GBE1: variants seen among roughly 807,000 people sequenced by gnomAD.
GBE1 encodes 1,4-alpha-glucan-branching enzyme.
GBE1 carries 70 observed loss-of-function variants against 88.8 expected under a neutral mutation model. The observed-to-expected ratio is 0.79, with a 90% CI of 0.65 to 0.96. The LOEUF is 0.96. GBE1 is among the 40% of genes least tolerant of loss of function. GBE1 has a pLI of 0.00. For synonymous variants in GBE1, 284 were observed against 300.1 expected, an observed-to-expected ratio of 0.95 and a Z score of 0.56; for missense variants, 872 against 871.0, an observed-to-expected ratio of 1.00 and a Z score of -0.01.
At chr3:81,594,871 A>G (rs1371697036) in intron 7 of GBE1, among the ~76,000 whole-genome samples, 1 of 151,962 alleles carries the variant, frequency 6.6e-6, no homozygotes, top group Non-Finnish European at 1.5e-5. Flanking sequence ...TCTTATTATA[A>G]CTGTGGTTTT....
At chr3:81,759,199 C>T (rs1263555955) in intron 1 of GBE1, among the ~76,000 whole-genome samples, 2 of 152,094 alleles carry the variant, frequency 1.3e-5, no homozygotes, top group Non-Finnish European at 2.9e-5. Context: ...GGGGAAAAGG[C>T]CAAGGTAAAG....
chr3:81,673,534 T>C (rs1705217438), intron 2 of GBE1, among the ~76,000 whole-genome samples: 1 of 152,004 alleles, frequency 6.6e-6, no homozygotes, highest in African/African-American at 2.4e-5. Context: ...AATTTAGATA[T>C]GCAGATTTAT....
chr3:81,495,003 T>A (rs1264750317), intron 15 of GBE1, among the ~76,000 whole-genome samples: 1 of 152,186 alleles, frequency 6.6e-6, no homozygotes, highest in Non-Finnish European at 1.5e-5. Flanking sequence ...TGAAAAAATA[T>A]TTAATACTTT....
intron 12 of GBE1, among the ~76,000 whole-genome samples, chr3:81,556,475 A>C (rs1703350300): frequency 6.6e-6 from 1 of 152,102 alleles, no homozygotes; most frequent in Admixed American, 6.6e-5. Context: ...AGAATCATTA[A>C]ATGTGTCAGG....
intron 2 of GBE1, among the ~76,000 whole-genome samples, chr3:81,703,579 G>C (rs1705731359): frequency 6.6e-6 from 1 of 151,836 alleles, no homozygotes; most frequent in Non-Finnish European, 1.5e-5. Context: ...TGTTATTCAA[G>C]TCAGTTACTG....
chr3:81,549,690 A>G (rs1425635733), intron 12 of GBE1, among the ~76,000 whole-genome samples: 1 of 151,594 alleles, frequency 6.6e-6, no homozygotes, highest in Admixed American at 6.6e-5. Context: ...TTAAAAAATA[A>G]AAGTCTTATC....
chr3:81,700,920 C>A (rs1204222059), intron 2 of GBE1, among the ~76,000 whole-genome samples: 1 of 152,102 alleles, frequency 6.6e-6, no homozygotes, highest in Non-Finnish European at 1.5e-5. Context: ...TCCGTTATAG[C>A]AAATAAGAAC....
chr3:81,710,381 C>T (rs1321564139), intron 1 of GBE1, among the ~76,000 whole-genome samples: 3 of 150,724 alleles, frequency 2.0e-5, no homozygotes, highest in Admixed American at 2.0e-4. Context: ...ACTACAGGCA[C>T]CCACCACCAC....
At chr3:81,522,347 C>T (rs946493593) in intron 14 of GBE1, among the ~76,000 whole-genome samples, 10 of 151,378 alleles carry the variant, frequency 6.6e-5, no homozygotes, top group Non-Finnish European at 1.5e-4. Flanking sequence ...GCAAAGTATT[C>T]GAATAACAGG....
At chr3:81,574,750 T>A (rs1404432590) in intron 12 of GBE1, among the ~76,000 whole-genome samples, 1 of 152,242 alleles carries the variant, frequency 6.6e-6, no homozygotes, top group South Asian at 2.1e-4. Flanking sequence ...AATGTCTACG[T>A]AGCATGCCTT....
At chr3:81,495,081 T>C (rs966964580) in intron 15 of GBE1, among the ~76,000 whole-genome samples, 2 of 152,196 alleles carry the variant, frequency 1.3e-5, no homozygotes, top group Non-Finnish European at 2.9e-5. Flanking sequence ...CATATAATTC[T>C]GGTAGAATGA....
intron 9 of GBE1, among the ~76,000 whole-genome samples, chr3:81,589,760 T>G (rs1703852286): frequency 1.3e-5 from 2 of 152,096 alleles, no homozygotes; most frequent in Non-Finnish European, 2.9e-5. Context: ...TTGTAATATC[T>G]CTGCTTTGGA....
At chr3:81,496,097 T>G (rs1337565662) in intron 15 of GBE1, among the ~76,000 whole-genome samples, 1 of 152,140 alleles carries the variant, frequency 6.6e-6, no homozygotes, top group Non-Finnish European at 1.5e-5. Flanking sequence ...GATTAACATA[T>G]AGGTTAACAT....
chr3:81,701,751 A>T (rs1705690802), intron 2 of GBE1, among the ~76,000 whole-genome samples: 2 of 151,832 alleles, frequency 1.3e-5, no homozygotes, highest in South Asian at 4.1e-4. Flanking sequence ...TGATTTATTT[A>T]TTTTTTATTT....
chr3:81,554,424 C>T lies in GBE1; in HGVS notation c.1619-17329G>A, dbSNP rs186730513. On this transcript the variant is annotated intron_variant, in intron 12 of 15. Transcript: ENST00000429644. ...AGCCAACTATGAAATTGATTCTACA[C>T]ATGTGGCTTTGTGGCTATTGCAACT... is the stretch of plus-strand genomic sequence containing the variant. Among the ~76,000 whole-genome samples the T allele has an allele frequency of 7.2e-5, 11 of 152,280 alleles. No homozygotes were observed. The East Asian group carries it at 2.1e-3, about 29-fold the overall frequency.
At chr3:81,493,071 C>G (rs1021362688) in intron 15 of GBE1, among the ~76,000 whole-genome samples, 1 of 152,120 alleles carries the variant, frequency 6.6e-6, no homozygotes, top group African/African-American at 2.4e-5. Flanking sequence ...ATCACAGTAA[C>G]TGGATTTAAC....
At chr3:81,575,224 T>G (rs1703630686) in intron 12 of GBE1, among the ~76,000 whole-genome samples, 2 of 150,398 alleles carry the variant, frequency 1.3e-5, no homozygotes, top group African/African-American at 2.5e-5. Flanking sequence ...ATAATTTAGT[T>G]ATTGCTGATC....
intron 1 of GBE1, among the ~76,000 whole-genome samples, chr3:81,706,976 C>A: frequency 6.6e-6 from 1 of 151,050 alleles, no homozygotes; most frequent in African/African-American, 2.4e-5. Context: ...TTAAAAAGAA[C>A]CTAAGAGATA....
At position 81,593,900 on chromosome 3, in the gene GBE1, T is replaced by C; in HGVS notation, c.1108+8A>G. On this transcript the variant is annotated splice_region_variant and intron_variant, in intron 8 of 15. Transcript: ENST00000429644. ...TAACCCCAAACCTGATTATATCAGG[T>C]TACCTACCCACTCCATGGTGATGAT... is the stretch of plus-strand genomic sequence containing the variant. The C allele has an allele frequency of 7.0e-7, 1 of 1,435,906 alleles. No homozygotes were observed. Among genetic ancestry groups the C allele is most frequent in the East Asian group, 2.4e-5 (1 of 41,120 alleles). The allele number at this position is 1,435,906 out of a possible 1,614,324, so 88.9% of individuals were successfully genotyped here.
Sources: allele counts gnomAD v4.1 joint callset (sites outside exome capture counted in the v4.1 genomes callset), GRCh38; gene constraint gnomAD v4.1.1; transcripts MANE v1.5; gene names NCBI Gene and HGNC (gene_info 2026-07-23, HGNC 2026-07-21).